FHIT: variants seen among roughly 807,000 people sequenced by gnomAD.
The protein encoded by FHIT is bis(5'-adenosyl)-triphosphatase.
FHIT carries 19 observed loss-of-function variants against 17.9 expected under a neutral mutation model. That is an observed-to-expected ratio of 1.06 (90% CI 0.74 to 1.56). The LOEUF (loss-of-function observed/expected upper bound fraction) is 1.56, where lower values mean the gene tolerates loss of function less well. FHIT is among the 40% of genes most tolerant of loss of function. FHIT has a pLI of 0.00. For synonymous variants in FHIT, 81 were observed against 69.7 expected (o/e 1.16, Z -0.81); for missense variants, 248 against 189.2 (o/e 1.31, Z -1.82).
chr3:60,571,335 CAAAAA>C (rs56094072), intron 4 of FHIT, among the ~76,000 whole-genome samples: 28 of 54,666 alleles, frequency 5.1e-4, no homozygotes, highest in Admixed American at 5.8e-4. Flanking sequence ...GACTCCATCG[CAAAAA>C]AAAAAAAAAA....
rs147736831 is a variant in FHIT at position 59,951,313 on chromosome 3, C to T, written c.280-28899G>A. Among the ~76,000 whole-genome samples the T allele has an allele frequency of 6.2e-3, 943 of 152,238 alleles. 7 individuals are homozygous for T. The highest frequency in any genetic ancestry group is 0.016 in the African/African-American group (655 of 41,536). ...GCTGTTTTTTGCTTTATTGCCTCCA[C>T]GACTTTGTAGCCATTGCTGTTGACT... On this transcript the variant is annotated intron_variant, in intron 7 of 9. Transcript: ENST00000492590.
chr3:60,488,482 G>A (rs430036), intron 5 of FHIT, among the ~76,000 whole-genome samples: 24,180 of 152,082 alleles, frequency 0.16, 2,298 homozygotes, highest in East Asian at 0.39. Context: ...AGTAAAAGGT[G>A]GGTTACCTAG....
intron 3 of FHIT, among the ~76,000 whole-genome samples, chr3:60,990,444 TA>T (rs2030084942): frequency 6.6e-6 from 1 of 152,208 alleles, no homozygotes; most frequent in South Asian, 2.1e-4. Context: ...GTGGCGATGA[TA>T]AAAGAGCATC....
At chr3:60,810,253 T>A (rs190645442) in intron 4 of FHIT, among the ~76,000 whole-genome samples, 2 of 152,304 alleles carry the variant, frequency 1.3e-5, no homozygotes, top group African/African-American at 4.8e-5. Flanking sequence ...AATTACAGTG[T>A]TTGAATTATA....
chr3:60,134,251 A>G lies in FHIT; in HGVS notation c.104-120099T>C, dbSNP rs74382737. On this transcript the variant is annotated intron_variant, in intron 5 of 9. Transcript: ENST00000492590. ...ATCCATGACACTTCCAGTATTTGCA[A>G]AACAGGTTCAAAAATAAAATTGCAA... Among the ~76,000 whole-genome samples, 1,015 of 152,300 alleles carry G rather than the reference A, an allele frequency of 6.7e-3. 9 individuals are homozygous for G. The highest frequency in any genetic ancestry group is 0.023 in the African/African-American group (967 of 41,564).
intron 5 of FHIT, among the ~76,000 whole-genome samples, chr3:60,343,353 T>C (rs1710619617): frequency 6.6e-6 from 1 of 152,064 alleles, no homozygotes; most frequent in South Asian, 2.1e-4. Context: ...AAACACTCCC[T>C]AGCAGTCTCT....
chr3:59,875,989 T>A (rs1248625719), intron 8 of FHIT, among the ~76,000 whole-genome samples: 1 of 151,698 alleles, frequency 6.6e-6, no homozygotes, highest in African/African-American at 2.4e-5. Flanking sequence ...AAGAATTTTA[T>A]AGATTACAAA....
At chr3:61,067,166 C>T (rs1559955943) in intron 2 of FHIT, among the ~76,000 whole-genome samples, 2 of 152,120 alleles carry the variant, frequency 1.3e-5, no homozygotes, top group Non-Finnish European at 2.9e-5. Flanking sequence ...TGGCACTGTG[C>T]ACCTGCTACA....
Position 60,916,238 on chromosome 3 carries a change from T to A in FHIT, c.-110-94227A>T, listed in dbSNP as rs144029719. 3.3e-5 allele frequency among the ~76,000 whole-genome samples: 5 copies of A among 152,340 alleles called. No homozygotes were observed. The East Asian group carries it at 9.6e-4, about 29-fold the overall frequency. On this transcript the variant is annotated intron_variant, in intron 3 of 9. Coordinates refer to ENST00000492590, the MANE Select transcript of FHIT (RefSeq NM_002012.4). ...GCGAATATTTTTGTACATAGAATTT[T>A]GTGCACCTGCATGACTATAGTTCTA... is the stretch of plus-strand genomic sequence containing the variant.
chr3:60,136,344 A>G (rs76711549), intron 5 of FHIT, among the ~76,000 whole-genome samples: 8,689 of 152,240 alleles, frequency 0.057, 338 homozygotes, highest in Non-Finnish European at 0.074. Context: ...ATTCTTCTTC[A>G]TCCCATAAAC....
rs1185738380 is a variant in FHIT, at chr3:60,860,743, T to C, written c.-110-38732A>G. On this transcript the variant is annotated intron_variant, in intron 3 of 9. Coordinates refer to ENST00000492590, the MANE Select transcript of FHIT (RefSeq NM_002012.4). ...TCAGGTATATATGTACATATGTTCA[T>C]ATATATCAGGTATATATGATACATA... Among the ~76,000 whole-genome samples the C allele has an allele frequency of 3.4e-4, 25 of 72,764 alleles. 9 individuals are homozygous for C. The highest frequency in any genetic ancestry group is 1.4e-3 in the African/African-American group (25 of 17,860). The allele number at this position is 72,764 out of a possible 152,430, so 47.7% of individuals were successfully genotyped here. A position where few individuals can be genotyped will look rare whatever the true frequency, so the allele number is the denominator to read the frequency against.
At chr3:59,791,393 G>A (rs78469762) in intron 8 of FHIT, among the ~76,000 whole-genome samples, 4,810 of 152,304 alleles carry the variant, frequency 0.032, 243 homozygotes, top group African/African-American at 0.11. Context: ...GGCTGCTGGT[G>A]TTCGCATTAC....
chr3:60,536,966 C>A lies in FHIT; in HGVS notation c.-4G>T. ...GTTGGCCAAATCTGAACGACATGTC[C>A]TCACAGTTGAAGTCTAAAAGAAAAG... On this transcript the variant is annotated 5_prime_UTR_variant, in exon 5 of 10. In the 5' UTR this introduces an upstream ATG that the reference lacks. Coordinates refer to ENST00000492590, the MANE Select transcript of FHIT (RefSeq NM_002012.4). The A allele has an allele frequency of 6.2e-7, 1 of 1,605,520 alleles. No homozygotes were observed. The highest frequency in any genetic ancestry group is 8.5e-7 in the Non-Finnish European group (1 of 1,176,932).
chr3:60,215,912 C>T (rs1018049502), intron 5 of FHIT, among the ~76,000 whole-genome samples: 1 of 152,006 alleles, frequency 6.6e-6, no homozygotes, highest in South Asian at 2.1e-4. Context: ...ATCTATTTTC[C>T]AAAAGTAAAT....
intron 1 of FHIT, among the ~76,000 whole-genome samples, chr3:61,241,372 G>A (rs1560105416): frequency 6.6e-6 from 1 of 152,146 alleles, no homozygotes; most frequent in Admixed American, 6.5e-5. Flanking sequence ...AACCAAGCAG[G>A]TACCGTCCTT....
chr3:60,320,382 A>C (rs1451866154), intron 5 of FHIT, among the ~76,000 whole-genome samples: 5 of 152,228 alleles, frequency 3.3e-5, no homozygotes, highest in Non-Finnish European at 2.9e-5. Context: ...CTTAAGTGCC[A>C]GAAGTAAACC....
chr3:59,830,602 G>C (rs1022900561), intron 8 of FHIT, among the ~76,000 whole-genome samples: 1 of 152,106 alleles, frequency 6.6e-6, no homozygotes, highest in Non-Finnish European at 1.5e-5. Context: ...ATCATTATAG[G>C]AAAAACATTC....
At chr3:60,676,935 C>T (rs542563896) in intron 4 of FHIT, among the ~76,000 whole-genome samples, 14 of 152,118 alleles carry the variant, frequency 9.2e-5, no homozygotes, top group Non-Finnish European at 1.6e-4. Flanking sequence ...AATGCCGTGG[C>T]GCCATCTTGG....
intron 5 of FHIT, among the ~76,000 whole-genome samples, chr3:60,516,110 G>A (rs1404447633): frequency 6.6e-6 from 1 of 152,112 alleles, no homozygotes; most frequent in Non-Finnish European, 1.5e-5. Context: ...AAACCTGTTG[G>A]TCTCTGTACC....
Sources: gnomAD v4.1 joint callset for allele counts (sites outside exome capture counted in the v4.1 genomes callset) on GRCh38, gnomAD v4.1.1 for gene constraint, MANE v1.5 for transcripts, NCBI Gene and HGNC (gene_info 2026-07-23, HGNC 2026-07-21) for gene names.